BRF1: variants seen among roughly 807,000 people sequenced by gnomAD.
BRF1 encodes BRF1 general transcription factor IIIB subunit.
A neutral mutation model predicts 81.7 loss-of-function variants in BRF1; 59 were observed. The observed-to-expected ratio is 0.72, with a 90% confidence interval of 0.59 to 0.90. The LOEUF is 0.90. Ranked by LOEUF, BRF1 falls within the 40% of genes least tolerant of loss-of-function variation. The pLI is 0.00. For missense variants in BRF1, 1,050 were observed against 936.3 expected, an observed-to-expected ratio of 1.12 and a Z score of -1.58; for synonymous variants, 491 against 395.6, an observed-to-expected ratio of 1.24 and a Z score of -2.86.
intron 11 of BRF1, among the ~76,000 whole-genome samples, chr14:105,220,813 G>C (rs587653953): frequency 6.6e-6 from 1 of 152,180 alleles, no homozygotes; most frequent in African/African-American, 2.4e-5. Flanking sequence ...CTCCAGGGCC[G>C]AGGCCAGAGA....
intron 1 of BRF1, among the ~76,000 whole-genome samples, chr14:105,312,093 T>A (rs190775519): frequency 2.0e-5 from 3 of 152,282 alleles, no homozygotes; most frequent in East Asian, 1.9e-4. Flanking sequence ...GGGCCTGCTG[T>A]GTGTCTGTGT....
chr14:105,212,728 GCACGGA>G (rs1271224166), intron 15 of BRF1: 5 of 154,038 alleles, frequency 3.2e-5, no homozygotes, highest in African/African-American at 1.2e-4. Flanking sequence ...ACAACCTCCA[GCACGGA>G]CACACAGGGC....
In BRF1 at chr14:105,255,955, C is replaced by T. The variant is rs2055843869; in HGVS notation, c.471+563G>A. Reference sequence around the variant, plus strand: ...CAGCCTGGGCAACATAGCAAGACCCCGTCTCTACTAAAAATACAAAATAGC... The same window carrying T: ...CAGCCTGGGCAACATAGCAAGACCCTGTCTCTACTAAAAATACAAAATAGC... On this transcript the variant is annotated intron_variant, in intron 4 of 17. Coordinates refer to ENST00000547530, the MANE Select transcript of BRF1 (RefSeq NM_001519.4). Among the ~76,000 whole-genome samples the T allele has an allele frequency of 2.0e-5, 3 of 151,944 alleles. No homozygotes were observed. In the South Asian group the frequency reaches 6.3e-4, roughly 32 times the overall value.
At chr14:105,212,048 T>C (rs1417144602) in intron 16 of BRF1, 65 bp downstream of exon 16, 1 of 1,586,160 alleles carries the variant, frequency 6.3e-7, no homozygotes, top group Admixed American at 1.8e-5. Flanking sequence ...ACCAAGCATC[T>C]GGGCCCAGGA....
In BRF1 at chr14:105,209,537, C is replaced by T. The variant is rs1469767791; in HGVS notation, c.*1014G>A. The T allele has an allele frequency of 8.5e-6, 6 of 702,504 alleles. No individual in the cohort carries two copies. Among genetic ancestry groups the T allele is most frequent in the Admixed American group, 6.0e-5 (3 of 49,988 alleles). The allele number at this position is 702,504 out of a possible 1,614,324, so 43.5% of individuals were successfully genotyped here. On this transcript the variant is annotated 3_prime_UTR_variant, in exon 18 of 18. Coordinates refer to ENST00000547530, the MANE Select transcript of BRF1 (RefSeq NM_001519.4). ...CTAAGGACACAGGGTGAAGCCCCCT[C>T]GGCCACATCCGGGGCAGCCATGCCA...
At chr14:105,291,951 T>C (rs1181025930) in intron 1 of BRF1, among the ~76,000 whole-genome samples, 1 of 151,858 alleles carries the variant, frequency 6.6e-6, no homozygotes, top group African/African-American at 2.4e-5. Flanking sequence ...TGAGATGAGA[T>C]TGCGCCATTG....
At chr14:105,266,400 C>G (rs1325507748) in intron 3 of BRF1, among the ~76,000 whole-genome samples, 1 of 152,042 alleles carries the variant, frequency 6.6e-6, no homozygotes, top group Non-Finnish European at 1.5e-5. Flanking sequence ...GAGAACAGAG[C>G]AAGACCCTGT....
At chr14:105,256,188 C>G in intron 4 of BRF1, 1 of 1,529,186 alleles carries the variant, frequency 6.5e-7, no homozygotes, top group Non-Finnish European at 8.8e-7. Context: ...AAACTAGGTA[C>G]TCACAAAAAA....
chr14:105,305,538 G>C (rs2058162299), upstream of BRF1, among the ~76,000 whole-genome samples: 1 of 152,232 alleles, frequency 6.6e-6, no homozygotes, highest in Non-Finnish European at 1.5e-5. Flanking sequence ...GCATCTGCCA[G>C]CACCGTCCTG....
intron 2 of BRF1, among the ~76,000 whole-genome samples, chr14:105,275,578 C>T (rs1464306618): frequency 6.6e-6 from 1 of 152,234 alleles, no homozygotes; most frequent in East Asian, 1.9e-4. Flanking sequence ...TCCTTACCTA[C>T]CAGCTCTCTG....
intron 4 of BRF1, among the ~76,000 whole-genome samples, chr14:105,255,150 C>T (rs895233113): frequency 6.6e-6 from 1 of 152,240 alleles, no homozygotes; most frequent in Non-Finnish European, 1.5e-5. Flanking sequence ...CATCTGAGTC[C>T]CCAGGAGCCT....
At chr14:105,226,046 G>C in intron 10 of BRF1, 23 bp downstream of exon 10, 1 of 1,602,870 alleles carries the variant, frequency 6.2e-7, no homozygotes, top group South Asian at 1.1e-5. Context: ...GGTCTGAATA[G>C]GGGCCGGGCA....
At chr14:105,219,278 C>A in intron 12 of BRF1, 46 bp from the exon 13 acceptor site, 1 of 1,602,552 alleles carries the variant, frequency 6.2e-7, no homozygotes, top group East Asian at 2.2e-5. Flanking sequence ...CCTTCGCACA[C>A]CGGGGCATGC....
rs587641938 is a variant in BRF1 at position 105,269,760 on chromosome 14, C to A, written c.439+2961G>T. ...CATGTCCCAGGGCATCTGTCCCCCC[C>A]ACAGGAGGCCCAGTGAGGCAGCAGC... On this transcript the variant is annotated intron_variant, in intron 3 of 17. Coordinates refer to ENST00000547530, the MANE Select transcript of BRF1 (RefSeq NM_001519.4). The surrounding 1 kb of genome is among the most constrained non-coding windows in gnomAD (Gnocchi z 5.0). 1.4e-4 allele frequency among the ~76,000 whole-genome samples: 22 copies of A among 152,294 alleles called. No individual in the cohort carries two copies. Among genetic ancestry groups the A allele is most frequent in the Middle Eastern group, 3.4e-3 (1 of 294 alleles).
chr14:105,215,390 G>A (rs186341673), intron 15 of BRF1, among the ~76,000 whole-genome samples: 103 of 151,616 alleles, frequency 6.8e-4, no homozygotes, highest in African/African-American at 2.3e-3. Flanking sequence ...ACCTGCATTT[G>A]CACACAAAAA....
At chr14:105,245,389 G>C (rs1009332628) in intron 5 of BRF1, among the ~76,000 whole-genome samples, 1 of 151,736 alleles carries the variant, frequency 6.6e-6, no homozygotes, top group Non-Finnish European at 1.5e-5. Flanking sequence ...AATAAAGGAA[G>C]CAATGAAATT....
At chr14:105,314,045 G>A (rs1178145435) in intron 1 of BRF1, among the ~76,000 whole-genome samples, 2 of 152,286 alleles carry the variant, frequency 1.3e-5, no homozygotes, top group South Asian at 2.1e-4. Context: ...GACGCAAAGA[G>A]GGCGCCCGGG....
intron 1 of BRF1, among the ~76,000 whole-genome samples, chr14:105,291,919 A>C (rs1341624038): frequency 6.6e-6 from 1 of 151,834 alleles, no homozygotes. Flanking sequence ...AATCGCTTGA[A>C]CCCGGGAGGC....
intron 3 of BRF1, among the ~76,000 whole-genome samples, chr14:105,268,792 G>A (rs758803643): frequency 1.4e-4 from 22 of 152,212 alleles, no homozygotes; most frequent in Non-Finnish European, 2.8e-4. Context: ...TGGAGGTGGG[G>A]TGGTGGGTGC....
Sources: allele counts gnomAD v4.1 joint callset (sites outside exome capture counted in the v4.1 genomes callset), GRCh38; gene constraint gnomAD v4.1.1; non-coding constraint Gnocchi (gnomAD v3.1); transcripts MANE v1.5; gene names NCBI Gene and HGNC (gene_info 2026-07-23, HGNC 2026-07-21).